NFKBID: variants seen among roughly 807,000 people sequenced by gnomAD.
NFKBID encodes NF-kappa-B inhibitor delta.
Under a neutral mutation model 53.4 loss-of-function variants are expected in NFKBID, and 26 were observed. That is an observed-to-expected ratio of 0.49 (90% CI 0.36 to 0.68). The LOEUF (loss-of-function observed/expected upper bound fraction) is 0.68, where lower values mean the gene tolerates loss of function less well. NFKBID is among the 30% of genes least tolerant of loss of function. The pLI is 0.00. For missense variants in NFKBID, 493 were observed against 614.1 expected, an observed-to-expected ratio of 0.80 and a Z score of 2.08; for synonymous variants, 262 against 259.8, an observed-to-expected ratio of 1.01 and a Z score of -0.08.
intron 9 of NFKBID, among the ~76,000 whole-genome samples, chr19:35,893,938 G>A (rs1002466870): frequency 6.6e-6 from 1 of 151,846 alleles, no homozygotes; most frequent in Non-Finnish European, 1.5e-5. Context: ...TATTTTATTG[G>A]TGTTCAACAT....
Position 35,900,424 on chromosome 19 carries a change from C to T in NFKBID, c.61+18G>A. The T allele has an allele frequency of 8.1e-7, 1 of 1,231,092 alleles. No homozygotes were observed. Among genetic ancestry groups the T allele is most frequent in the Non-Finnish European group, 1.0e-6 (1 of 987,014 alleles). 76.3% of individuals were successfully genotyped at this position (1,231,092 alleles called of 1,614,324 possible). On this transcript the variant is annotated intron_variant, in intron 1 of 11. Coordinates refer to ENST00000641389, the Ensembl canonical transcript of NFKBID. ...CACTCTCTTAGGGGGCCGAACGCGT[C>T]CTGCCCGCGCCCATTACCTCGGGGA... is the stretch of plus-strand genomic sequence containing the variant.
At chr19:35,894,101 A>G (rs1974965919) in intron 9 of NFKBID, among the ~76,000 whole-genome samples, 1 of 151,268 alleles carries the variant, frequency 6.6e-6, no homozygotes, top group African/African-American at 2.4e-5. Flanking sequence ...CATTAAAAAT[A>G]CAAAAAAATT....
exon 12 of NFKBID, chr19:35,888,582 C>A (rs1195192259): frequency 1.3e-6 from 2 of 1,571,998 alleles, no homozygotes; most frequent in Non-Finnish European, 8.6e-7. Context: ...CCTGGCGGCG[C>A]CACACGGCTC....
At chr19:35,887,963 T>C (rs932322891), downstream of NFKBID, 4 of 152,050 alleles carry the variant, frequency 2.6e-5, no homozygotes, top group Non-Finnish European at 5.9e-5. Flanking sequence ...CTGGCCCAAA[T>C]TGAGTTTAAT....
rs1281008120 is a variant in NFKBID at position 35,900,431 on chromosome 19, G to A, written c.61+11C>T. 3.2e-6 allele frequency: 4 copies of A among 1,231,414 alleles called. No homozygotes were observed. Among genetic ancestry groups the A allele is most frequent in the Non-Finnish European group, 4.1e-6 (4 of 987,474 alleles). 76.3% of individuals were successfully genotyped at this position (1,231,414 alleles called of 1,614,324 possible). A position where few individuals can be genotyped will look rare whatever the true frequency, so the allele number is the denominator to read the frequency against. On this transcript the variant is annotated intron_variant, in intron 1 of 11. Transcript: ENST00000641389. ...TTAGGGGGCCGAACGCGTCCTGCCC[G>A]CGCCCATTACCTCGGGGATTCCGTG...
chr19:35,899,215 C>G (rs1975404787), intron 1 of NFKBID, among the ~76,000 whole-genome samples: 1 of 152,118 alleles, frequency 6.6e-6, no homozygotes, highest in Non-Finnish European at 1.5e-5. Context: ...CATCCAGGTT[C>G]CCAACATTTT....
rs575136861 is a variant in NFKBID at position 35,900,623 on chromosome 19, G to A, written c.-121C>T. ...CTGGGCAGGGCCCGCCCACAGGCCTGGGAGTCCCCGGGTCGCGCTCCGGCG... is the reference window on the plus strand; with the variant it reads ...CTGGGCAGGGCCCGCCCACAGGCCTAGGAGTCCCCGGGTCGCGCTCCGGCG... On this transcript the variant is annotated 5_prime_UTR_variant, in exon 1 of 12. Transcript: ENST00000641389. The A allele has an allele frequency of 1.2e-5, 15 of 1,229,472 alleles. No individual in the cohort carries two copies. The African/African-American group carries it at 2.0e-4, about 17-fold the overall frequency. 76.2% of individuals were successfully genotyped at this position (1,229,472 alleles called of 1,614,324 possible).
exon 3 of NFKBID, chr19:35,898,500 C>T (rs1975345951): frequency 6.5e-7 from 1 of 1,534,544 alleles, no homozygotes; most frequent in Admixed American, 2.0e-5. Context: ...CAGATGGGGT[C>T]AGGGGCTGCT....
Position 35,896,119 on chromosome 19 carries a change from G to A in NFKBID, c.893C>T (p.Pro298Leu), listed in dbSNP as rs1440823199. The A allele has an allele frequency of 3.1e-6, 5 of 1,614,064 alleles. No homozygotes were observed. The highest frequency in any genetic ancestry group is 2.2e-5 in the East Asian group (1 of 44,864). The change falls in exon 9 of 12, where the codon CCG becomes CTG. Residue 298 changes from proline (P) to leucine (L), a missense_variant. By Grantham distance (98) the Pro-to-Leu change is moderately conservative. Coordinates refer to ENST00000641389, the Ensembl canonical transcript of NFKBID. The surrounding 1 kb of genome is among the most constrained non-coding windows in gnomAD (Gnocchi z 5.7). ...AAGGGCCAGGATGGCCGTGTGGAGC[G>A]GGGTGAGGCCTGCAGAATGGAGACA...
chr19:35,898,790 G>A lies in NFKBID; in HGVS notation c.94C>T (p.Gln32Ter). 1 of 1,536,114 alleles carries A rather than the reference G, an allele frequency of 6.5e-7. No individual in the cohort carries two copies. The highest frequency in any genetic ancestry group is 8.7e-7 in the Non-Finnish European group (1 of 1,146,878). The change falls in exon 2 of 12, where the codon CAA becomes TAA. Residue 32 changes from glutamine (Q) to a stop codon, truncating the protein, a stop_gained. Transcript: ENST00000641389. LOFTEE classifies it high-confidence loss of function. ...TCTTCCAGAAGCTTCTTCACGGTTT[G>A]CGTTGGGCAGTGGCTGCGCTCACCC... is the stretch of plus-strand genomic sequence containing the variant.
chr19:35,889,132 A>G (rs1019815146), intron 11 of NFKBID, among the ~76,000 whole-genome samples: 31 of 151,472 alleles, frequency 2.0e-4, no homozygotes, highest in African/African-American at 7.0e-4. Flanking sequence ...GGGAGGATCA[A>G]TTGAGGCCAG....
intron 3 of NFKBID, 65 bp from the exon 4 acceptor site, chr19:35,897,921 C>CCCTGGA: frequency 2.6e-6 from 3 of 1,142,102 alleles, no homozygotes; most frequent in Non-Finnish European, 2.5e-6. Flanking sequence ...ACATCCAGGG[C>CCCTGGA]TAGAGGGCCT....
chr19:35,897,034 G>T (rs780952248), exon 5 of NFKBID: 4 of 1,604,736 alleles, frequency 2.5e-6, no homozygotes, highest in Non-Finnish European at 3.4e-6. Context: ...CCTGAAGGGG[G>T]TGCAGAAACT....
At chr19:35,890,272 C>A in intron 10 of NFKBID, 102 bp downstream of exon 10, 1 of 913,468 alleles carries the variant, frequency 1.1e-6, no homozygotes, top group Non-Finnish European at 1.8e-6. Flanking sequence ...GCAGATCCCA[C>A]ACATCGTCCC....
In NFKBID at chr19:35,889,408, G is replaced by A. The variant is rs187465606; in HGVS notation, c.1314+482C>T. 3.9e-4 allele frequency among the ~76,000 whole-genome samples: 60 copies of A among 152,174 alleles called. 1 individual carries two copies. The highest frequency in any genetic ancestry group is 1.4e-3 in the African/African-American group (57 of 41,518). ...ATAAAAATAAAGATGTGGGAAGAAG[G>A]TCAAGGCCTGGGTTCGTACACTGAG... On this transcript the variant is annotated intron_variant, in intron 11 of 11. Transcript: ENST00000641389.
chr19:35,890,379 T>C (rs1974677766), exon 10 of NFKBID: 1 of 1,608,308 alleles, frequency 6.2e-7, no homozygotes, highest in Non-Finnish European at 8.5e-7. Context: ...CCCACCTTCA[T>C]GTTGACAAAG....
At chr19:35,895,850 G>A (rs1406351745) in intron 9 of NFKBID, 130 bp downstream of exon 9, 1 of 774,206 alleles carries the variant, frequency 1.3e-6, no homozygotes, top group Non-Finnish European at 2.1e-6. Flanking sequence ...GCACAGAGAA[G>A]TGAAGTAACA....
In NFKBID at chr19:35,890,515, T is replaced by G. The variant is rs756677572; in HGVS notation, c.1033-25A>C. On this transcript the variant is annotated intron_variant, in intron 9 of 11. Coordinates refer to ENST00000641389, the Ensembl canonical transcript of NFKBID. ...CCTGAGGGGAAGGGAATGGCAGAGG[T>G]CAGGGCCAGCCTCACACCTAGGTGC... 1.1e-5 allele frequency: 17 copies of G among 1,527,982 alleles called. No individual in the cohort carries two copies. In the Admixed American group the frequency reaches 2.7e-4, roughly 24 times the overall value. 94.7% of individuals were successfully genotyped at this position (1,527,982 alleles called of 1,614,324 possible).
exon 1 of NFKBID, chr19:35,900,631 C>G: frequency 8.1e-7 from 1 of 1,229,282 alleles, no homozygotes; most frequent in Non-Finnish European, 1.0e-6. Flanking sequence ...CTGGGAGTCC[C>G]CGGGTCGCGC....
Sources: allele counts gnomAD v4.1 joint callset (sites outside exome capture counted in the v4.1 genomes callset), GRCh38; gene constraint gnomAD v4.1.1; non-coding constraint Gnocchi (gnomAD v3.1); transcripts MANE v1.5; gene names NCBI Gene and HGNC (gene_info 2026-07-23, HGNC 2026-07-21).